Variants in FRMPD4 observed in about 807,000 individuals in gnomAD.
The protein encoded by FRMPD4 is FERM and PDZ domain-containing protein 4.
A neutral mutation model predicts 94.1 loss-of-function variants in FRMPD4; 22 were observed. That is an observed-to-expected ratio of 0.23 (90% CI 0.17 to 0.33). The LOEUF is 0.33. FRMPD4 is among the 10% of genes least tolerant of loss of function. The probability of loss-of-function intolerance (pLI) is 1.00; values close to 1 mark genes in which losing one functional copy is unlikely to be tolerated. For missense variants in FRMPD4, 1,111 were observed against 1,339.9 expected (o/e 0.83, Z 2.67); for synonymous variants, 631 against 548.6 (o/e 1.15, Z -2.10).
At chrX:11,823,293 T>TATA (rs1404974883) in intron 1 of FRMPD4, among the ~76,000 whole-genome samples, 1 of 109,107 alleles carries the variant, frequency 9.2e-6, no homozygotes, top group East Asian at 2.8e-4. Flanking sequence ...TTTATGATAA[T>TATA]ATAATAATAA....
intron 3 of FRMPD4, among the ~76,000 whole-genome samples, chrX:11,990,644 T>A (rs1206425845): frequency 8.9e-6 from 1 of 111,780 alleles, no homozygotes; most frequent in South Asian, 3.8e-4. Context: ...TTAAACATAA[T>A]CCATAATATC....
intron 1 of FRMPD4, among the ~76,000 whole-genome samples, chrX:12,246,354 G>A (rs1308324824): frequency 3.6e-5 from 4 of 111,832 alleles, no homozygotes; most frequent in Non-Finnish European, 7.5e-5. Flanking sequence ...ATATGTAAAG[G>A]TTACCTTTGC....
intron 1 of FRMPD4, among the ~76,000 whole-genome samples, chrX:12,337,721 G>C (rs191291689): frequency 4.5e-5 from 5 of 112,332 alleles, no homozygotes; most frequent in Non-Finnish European, 9.4e-5. Flanking sequence ...AAAAAAGGCA[G>C]TTGGTGAAAA....
At chrX:12,157,596 C>T (rs2055954746) in intron 1 of FRMPD4, among the ~76,000 whole-genome samples, 2 of 112,160 alleles carry the variant, frequency 1.8e-5, no homozygotes, top group African/African-American at 6.5e-5. Flanking sequence ...CAAGAGCTAG[C>T]ATCTACTGAG....
intron 1 of FRMPD4, among the ~76,000 whole-genome samples, chrX:12,444,577 A>C (rs768547296): frequency 8.9e-6 from 1 of 112,145 alleles, no homozygotes; most frequent in South Asian, 3.8e-4. Context: ...GTTATAACAA[A>C]ATACCAGAAT....
chrX:12,254,954 C>T (rs1230283354), intron 1 of FRMPD4, among the ~76,000 whole-genome samples: 1 of 111,277 alleles, frequency 9.0e-6, no homozygotes, highest in Non-Finnish European at 1.9e-5. Flanking sequence ...ACTTCATGCT[C>T]ACTCTTACCT....
intron 1 of FRMPD4, among the ~76,000 whole-genome samples, chrX:11,852,734 A>C (rs886414561): frequency 9.0e-6 from 1 of 111,706 alleles, no homozygotes; most frequent in African/African-American, 3.3e-5. Flanking sequence ...AGCATCCAAC[A>C]CAGGGGCACC....
chrX:12,480,218 T>G (rs920425647), intron 1 of FRMPD4, among the ~76,000 whole-genome samples: 10 of 106,313 alleles, frequency 9.4e-5, no homozygotes, highest in East Asian at 2.9e-4. Flanking sequence ...TGGTGGTGGT[T>G]AAGAAGAAAA....
chrX:12,012,610 G>C (rs948004772), intron 3 of FRMPD4, among the ~76,000 whole-genome samples: 6 of 111,940 alleles, frequency 5.4e-5, no homozygotes, highest in Non-Finnish European at 1.1e-4. Context: ...AACCAGGAAG[G>C]CCAGACAATA....
chrX:12,037,854 T>A (rs1050722721), intron 3 of FRMPD4, among the ~76,000 whole-genome samples: 1 of 111,807 alleles, frequency 8.9e-6, no homozygotes, highest in Admixed American at 9.5e-5. Context: ...GTTCCTGCAT[T>A]ATTTTGCTAA....
intron 1 of FRMPD4, among the ~76,000 whole-genome samples, chrX:12,307,790 C>A (rs190522057): frequency 8.9e-6 from 1 of 111,776 alleles, no homozygotes. Context: ...GGGGCCTTCA[C>A]TAAGGACCAA....
chrX:12,687,189 T>A (rs1404005104), intron 7 of FRMPD4, among the ~76,000 whole-genome samples: 1 of 112,220 alleles, frequency 8.9e-6, no homozygotes, highest in Non-Finnish European at 1.9e-5. Context: ...TCGTTTTGAA[T>A]TGCTATAAGT....
chrX:12,037,303 T>C (rs1038588810), intron 3 of FRMPD4, among the ~76,000 whole-genome samples: 4 of 111,958 alleles, frequency 3.6e-5, no homozygotes, highest in Non-Finnish European at 7.5e-5. Context: ...TATTTATTCA[T>C]GATGCATTAT....
chrX:12,346,146 T>C (rs2055705983), intron 1 of FRMPD4, among the ~76,000 whole-genome samples: 1 of 109,926 alleles, frequency 9.1e-6, no homozygotes. Flanking sequence ...AAAAACAAAC[T>C]AGTAAGCAAA....
intron 1 of FRMPD4, among the ~76,000 whole-genome samples, chrX:12,146,054 T>C (rs2055760240): frequency 8.9e-6 from 1 of 111,800 alleles, no homozygotes; most frequent in African/African-American, 3.2e-5. Flanking sequence ...CCTGATTCAC[T>C]TGGTTCCTTT....
intron 2 of FRMPD4, among the ~76,000 whole-genome samples, chrX:12,581,700 G>A (rs970751935): frequency 2.7e-5 from 3 of 111,373 alleles, no homozygotes; most frequent in Admixed American, 9.5e-5. Flanking sequence ...CCCTCGGCTC[G>A]TCCTCCTCCC....
At chrX:12,707,234 GATCTT>G (rs1652983762) in intron 12 of FRMPD4, among the ~76,000 whole-genome samples, 1 of 111,370 alleles carries the variant, frequency 9.0e-6, no homozygotes, top group Non-Finnish European at 1.9e-5. Context: ...TTTCTAAAAG[GATCTT>G]ATGATTATGA....
chrX:12,714,641 A>C (rs2042045707), intron 14 of FRMPD4, among the ~76,000 whole-genome samples: 1 of 111,277 alleles, frequency 9.0e-6, no homozygotes, highest in Admixed American at 9.5e-5. Context: ...CCACAAAACC[A>C]AAATATTTAC....
intron 2 of FRMPD4, among the ~76,000 whole-genome samples, chrX:12,565,086 C>CAA (rs33995881): frequency 0.46 from 46,190 of 100,364 alleles, 8,400 homozygotes; most frequent in Non-Finnish European, 0.52. Context: ...GACTCAGTCT[C>CAA]AAAAAAAAAA....
Sources: allele counts gnomAD v4.1 joint callset (sites outside exome capture counted in the v4.1 genomes callset), GRCh38; gene constraint gnomAD v4.1.1; transcripts MANE v1.5; gene names NCBI Gene and HGNC (gene_info 2026-07-23, HGNC 2026-07-21).